Variants in APBA1 observed in about 807,000 individuals in gnomAD.
APBA1 encodes amyloid beta precursor protein binding family A member 1, also known as amyloid-beta A4 precursor protein-binding family A member 1.
APBA1 carries 55 observed loss-of-function variants against 86.6 expected under a neutral mutation model. The ratio of observed to expected loss-of-function variants is 0.64; its 90% CI spans 0.51 to 0.80. The LOEUF (loss-of-function observed/expected upper bound fraction) is 0.80, where lower values mean the gene tolerates loss of function less well. Among genes scored for constraint, APBA1 ranks in the 30% least tolerant of loss-of-function variants. The pLI is 0.00. For synonymous variants in APBA1, 511 were observed against 493.9 expected (o/e 1.03, Z -0.46); for missense variants, 1,090 against 1,183.0 (o/e 0.92, Z 1.15).
chr9:69,588,053 A>G (rs561391190), intron 1 of APBA1, among the ~76,000 whole-genome samples: 4 of 151,738 alleles, frequency 2.6e-5, no homozygotes. Flanking sequence ...AGAAAGAAAA[A>G]GAAAGAAACT....
chr9:69,579,487 A>G (rs1821871804), intron 1 of APBA1, among the ~76,000 whole-genome samples: 1 of 152,196 alleles, frequency 6.6e-6, no homozygotes, highest in East Asian at 1.9e-4. Flanking sequence ...TGAAGGCAGG[A>G]GCTACATTTT....
chr9:69,604,823 C>T (rs767310668), intron 1 of APBA1, among the ~76,000 whole-genome samples: 1 of 141,632 alleles, frequency 7.1e-6, no homozygotes, highest in Non-Finnish European at 1.5e-5. Context: ...TGAGTGTGGG[C>T]ACACATGCAC....
intron 1 of APBA1, among the ~76,000 whole-genome samples, chr9:69,664,948 G>A (rs1241516571): frequency 6.6e-6 from 1 of 152,182 alleles, no homozygotes; most frequent in African/African-American, 2.4e-5. Flanking sequence ...TGATACCTCT[G>A]TGCTGTGTTA....
chr9:69,432,814 T>C (rs962207797), intron 11 of APBA1, 138 bp from the exon 12 acceptor site: 8 of 870,098 alleles, frequency 9.2e-6, no homozygotes, highest in Admixed American at 4.0e-5. Context: ...CATTTAACTC[T>C]CTTAGTGTCT....
At chr9:69,578,626 T>C (rs959205564) in intron 1 of APBA1, among the ~76,000 whole-genome samples, 1 of 152,212 alleles carries the variant, frequency 6.6e-6, no homozygotes, top group Non-Finnish European at 1.5e-5. Context: ...GAGAAATAAA[T>C]GATCTATCTT....
intron 1 of APBA1, among the ~76,000 whole-genome samples, chr9:69,639,125 TAGTTTACAGTTAAA>T (rs1003635406): frequency 3.9e-5 from 6 of 152,186 alleles, no homozygotes; most frequent in African/African-American, 1.4e-4. Context: ...TTTACAGAGA[TAGTTTACAGTTAAA>T]AGACATTTTT....
intron 2 of APBA1, among the ~76,000 whole-genome samples, chr9:69,482,336 A>T (rs1422417981): frequency 1.3e-5 from 2 of 152,072 alleles, no homozygotes; most frequent in African/African-American, 4.8e-5. Context: ...ACTTCTCAAA[A>T]GAAGACATTT....
At chr9:69,668,654 C>T (rs574781349) in intron 1 of APBA1, among the ~76,000 whole-genome samples, 8 of 152,328 alleles carry the variant, frequency 5.3e-5, no homozygotes, top group South Asian at 2.1e-4. Flanking sequence ...CTTAGCTTGG[C>T]GTACAAGTTG....
intron 2 of APBA1, among the ~76,000 whole-genome samples, chr9:69,500,838 C>T (rs753897669): frequency 1.3e-5 from 2 of 152,004 alleles, no homozygotes; most frequent in African/African-American, 4.8e-5. Context: ...AGGCGAGATC[C>T]GCATGATTAC....
intron 4 of APBA1, 144 bp downstream of exon 4, chr9:69,471,512 G>T: frequency 1.4e-6 from 1 of 707,030 alleles, no homozygotes. Context: ...TTGAGTCTAA[G>T]ATCCTAAGAC....
intron 1 of APBA1, among the ~76,000 whole-genome samples, chr9:69,625,321 G>T (rs1027881067): frequency 1.3e-5 from 2 of 152,140 alleles, no homozygotes; most frequent in African/African-American, 4.8e-5. Context: ...ATCACTCTTT[G>T]TCATGATGCC....
At chr9:69,536,892 C>CA (rs1212400623) in intron 1 of APBA1, among the ~76,000 whole-genome samples, 2 of 149,070 alleles carry the variant, frequency 1.3e-5, no homozygotes, top group African/African-American at 2.5e-5. Context: ...AAAAAAACCA[C>CA]AAAAAAACAA....
intron 1 of APBA1, among the ~76,000 whole-genome samples, chr9:69,608,568 A>C (rs1051005448): frequency 2.0e-5 from 3 of 152,098 alleles, no homozygotes; most frequent in Non-Finnish European, 4.4e-5. Flanking sequence ...ACTTGCTCCC[A>C]AAAAAACAGT....
At chr9:69,535,062 T>A (rs1385559578) in intron 1 of APBA1, among the ~76,000 whole-genome samples, 1 of 152,232 alleles carries the variant, frequency 6.6e-6, no homozygotes, top group Non-Finnish European at 1.5e-5. Flanking sequence ...TTACTTTTTA[T>A]ATTTGTCAAA....
chr9:69,488,933 A>G (rs540282174), intron 2 of APBA1, among the ~76,000 whole-genome samples: 3 of 149,480 alleles, frequency 2.0e-5, no homozygotes, highest in South Asian at 2.1e-4. Context: ...GGGATGTGAA[A>G]GACCTCTTCA....
At chr9:69,505,494 C>A (rs1249097681) in intron 2 of APBA1, among the ~76,000 whole-genome samples, 1 of 152,124 alleles carries the variant, frequency 6.6e-6, no homozygotes, top group Non-Finnish European at 1.5e-5. Context: ...TTGTGCTCAT[C>A]TGTTGCTGTT....
intron 1 of APBA1, among the ~76,000 whole-genome samples, chr9:69,583,662 T>C (rs1261343655): frequency 6.6e-6 from 1 of 152,244 alleles, no homozygotes; most frequent in Non-Finnish European, 1.5e-5. Flanking sequence ...TATACAATTT[T>C]AAAAATTACC....
intron 11 of APBA1, among the ~76,000 whole-genome samples, chr9:69,435,129 C>A (rs527913165): frequency 5.3e-5 from 8 of 151,988 alleles, no homozygotes; most frequent in East Asian, 3.9e-4. Context: ...TGAACTCATC[C>A]TTTTTTATGG....
chr9:69,610,032 T>C (rs112850975), intron 1 of APBA1, among the ~76,000 whole-genome samples: 5 of 152,266 alleles, frequency 3.3e-5, no homozygotes, highest in African/African-American at 1.2e-4. Flanking sequence ...ATAAAGAACC[T>C]TGGGGCCAGG....
Sources: allele counts gnomAD v4.1 joint callset (sites outside exome capture counted in the v4.1 genomes callset), GRCh38; gene constraint gnomAD v4.1.1; transcripts MANE v1.5; gene names NCBI Gene and HGNC (gene_info 2026-07-23, HGNC 2026-07-21).